Variants in ADAMTS7 observed in about 807,000 individuals in gnomAD.
ADAMTS7 encodes A disintegrin and metalloproteinase with thrombospondin motifs 7.
A neutral mutation model predicts 172.6 loss-of-function variants in ADAMTS7; 89 were observed. The ratio of observed to expected loss-of-function variants is 0.52; its 90% CI spans 0.43 to 0.61. The LOEUF is 0.61. ADAMTS7 is among the 20% of genes least tolerant of loss of function. ADAMTS7 has a pLI of 0.00. For synonymous variants in ADAMTS7, 885 were observed against 978.4 expected (o/e 0.90, Z 1.78); for missense variants, 1,973 against 2,355.6 (o/e 0.84, Z 3.36).
chr15:78,763,458 C>T (rs1393949286), intron 22 of ADAMTS7, among the ~76,000 whole-genome samples: 2 of 152,264 alleles, frequency 1.3e-5, no homozygotes, highest in Admixed American at 1.3e-4. Context: ...TGACTCCTCC[C>T]TCGGGTCTCA....
At chr15:78,804,941 G>A (rs2055769912) in intron 1 of ADAMTS7, among the ~76,000 whole-genome samples, 1 of 152,208 alleles carries the variant, frequency 6.6e-6, no homozygotes, top group Admixed American at 6.5e-5. Flanking sequence ...CGGGAACTGT[G>A]ATCCTCAGGA....
intron 17 of ADAMTS7, 81 bp downstream of exon 17, chr15:78,768,030 TGGGGAGTTGGCGGGGGATGGGG>T (rs2055185223): frequency 3.5e-6 from 2 of 570,068 alleles, no homozygotes; most frequent in African/African-American, 3.1e-5. Context: ...TGCCTGGGGG[TGGGGAGTTGGCGGGGGATGGGG>T]TGGGGAGTTG....
chr15:78,807,250 G>A (rs2055809515), intron 1 of ADAMTS7, among the ~76,000 whole-genome samples: 1 of 152,144 alleles, frequency 6.6e-6, no homozygotes, highest in Non-Finnish European at 1.5e-5. Flanking sequence ...CATGTGGTTG[G>A]GGAATGGAAG....
At chr15:78,806,091 A>ACACACACACACACACACACAC (rs1318537417) in intron 1 of ADAMTS7, among the ~76,000 whole-genome samples, 1 of 27,414 alleles carries the variant, frequency 3.6e-5, no homozygotes, top group African/African-American at 1.5e-4. Context: ...CCCCCCCAAA[A>ACACACACACACACACACACAC]ACACACACAC....
rs1484964465 is a variant in ADAMTS7 at position 78,767,573 on chromosome 15, G to A, written c.2665C>T (p.Gln889Ter). The part of the protein sequence containing the change: ...CPARWWAGEW[Q>*]LCSSSCGPGG... ...GGCCCGCAGGAGCTGGAGCACAGCT[G>A]CCACTCACCTGCCCACCACCTGGCG... The change falls in exon 18 of 24, where the codon CAG becomes TAG. Residue 889 changes from glutamine to a stop codon, truncating the protein, a stop_gained. Transcript: ENST00000388820. LOFTEE classifies it high-confidence loss of function. 3 of 1,550,680 alleles carry A rather than the reference G, an allele frequency of 1.9e-6. No homozygotes were observed. The highest frequency in any genetic ancestry group is 4.8e-5 in the East Asian group (2 of 41,420).
chr15:78,762,770 C>T (rs559988302), intron 22 of ADAMTS7, among the ~76,000 whole-genome samples: 43 of 152,346 alleles, frequency 2.8e-4, no homozygotes, highest in African/African-American at 8.2e-4. Context: ...CTTGTGGGAT[C>T]GGCTCCTGCA....
chr15:78,797,832 G>T, intron 3 of ADAMTS7, 116 bp downstream of exon 3: 1 of 1,172,714 alleles, frequency 8.5e-7, no homozygotes, highest in Non-Finnish European at 1.2e-6. Context: ...CTGTCTGTCT[G>T]TGTCATCTGG....
Position 78,789,777 on chromosome 15 carries a change from C to A in ADAMTS7, c.1090G>T (p.Gly364Cys), listed in dbSNP as rs745520739. 6.8e-6 allele frequency: 11 copies of A among 1,609,890 alleles called. No individual in the cohort carries two copies. In the South Asian group the frequency reaches 8.9e-5, roughly 13 times the overall value. Residue 364 changes from glycine (G) to cysteine (C), a missense_variant, in exon 7 of 24, where the codon GGC (glycine) becomes TGC (cysteine). By Grantham distance (159) the Gly-to-Cys change is radical. Transcript: ENST00000388820. ...CAGCTGCGGTGCGGCTGGCACATGC[C>A]CGCCACATGGGACAGTCCCAGGGTC... ...CETLGLSHVA[G>C]MCQPHRSCSI...
intron 1 of ADAMTS7, among the ~76,000 whole-genome samples, chr15:78,808,258 A>G (rs1187767750): frequency 6.6e-6 from 1 of 151,878 alleles, no homozygotes; most frequent in South Asian, 2.1e-4. Flanking sequence ...TTTTCTTTTG[A>G]GACAGTCTCC....
intron 16 of ADAMTS7, among the ~76,000 whole-genome samples, chr15:78,769,082 T>C (rs1482469327): frequency 6.6e-6 from 1 of 151,988 alleles, no homozygotes. Context: ...TCCACACCCT[T>C]CCCAATGGCT....
chr15:78,796,773 C>T lies in ADAMTS7; in HGVS notation c.636G>A (p.Leu212=). 6.2e-7 allele frequency: 1 copy of T among 1,609,740 alleles called. No individual in the cohort carries two copies. Among genetic ancestry groups the T allele is most frequent in the Non-Finnish European group, 8.5e-7 (1 of 1,179,526 alleles). The change falls in exon 4 of 24, where the codon CTG becomes CTA. Residue 212 remains leucine (L), a synonymous_variant. Coordinates refer to ENST00000388820, the MANE Select transcript of ADAMTS7 (RefSeq NM_014272.5). ...GCTCCCAACGCTCCCGTCGAGACTCCAGCTCTGGGTACACTGGAGGCCCAG... is the reference window on the plus strand; with the variant it reads ...GCTCCCAACGCTCCCGTCGAGACTCTAGCTCTGGGTACACTGGAGGCCCAG... The part of the protein sequence containing the change: ...STCGVQVYPE[L]ESRRERWEQR...
chr15:78,776,846 G>C lies in ADAMTS7; in HGVS notation c.1468-5C>G. ...CCAGAGTGTGTGGCAGACATTCTGC[G>C]AGGAGGAGGGCATGGGCCATACCCT... On this transcript the variant is annotated splice_polypyrimidine_tract_variant and splice_region_variant and intron_variant, in intron 9 of 23. Coordinates refer to ENST00000388820, the MANE Select transcript of ADAMTS7 (RefSeq NM_014272.5). 6.5e-7 allele frequency: 1 copy of C among 1,538,136 alleles called. No individual in the cohort carries two copies. Among genetic ancestry groups the C allele is most frequent in the Non-Finnish European group, 8.8e-7 (1 of 1,139,336 alleles).
At chr15:78,803,455 CTTTTT>C (rs11447592) in intron 1 of ADAMTS7, among the ~76,000 whole-genome samples, 1 of 143,910 alleles carries the variant, frequency 6.9e-6, no homozygotes, top group Non-Finnish European at 1.5e-5. Context: ...CAACTATGGT[CTTTTT>C]TTTTTTTTTT....
chr15:78,780,783 C>T (rs147259397), intron 8 of ADAMTS7, among the ~76,000 whole-genome samples: 1,961 of 152,300 alleles, frequency 0.013, 23 homozygotes, highest in East Asian at 0.12. Context: ...TCTTCCTCGG[C>T]GTGGAAGCTG....
intron 8 of ADAMTS7, among the ~76,000 whole-genome samples, chr15:78,784,809 A>G (rs2055479497): frequency 6.6e-6 from 1 of 152,176 alleles, no homozygotes; most frequent in African/African-American, 2.4e-5. Flanking sequence ...TGCCTTCGAC[A>G]TTCTGAAGAA....
At chr15:78,780,218 C>A (rs1397758080) in intron 8 of ADAMTS7, among the ~76,000 whole-genome samples, 2 of 150,430 alleles carry the variant, frequency 1.3e-5, no homozygotes, top group East Asian at 4.0e-4. Flanking sequence ...AACCCGTCAG[C>A]CCTTCCCCTC....
chr15:78,782,888 G>GCCACCT (rs1386202483), intron 8 of ADAMTS7, among the ~76,000 whole-genome samples: 38 of 152,028 alleles, frequency 2.5e-4, no homozygotes, highest in Admixed American at 2.2e-3. Flanking sequence ...CCCAGCAGAG[G>GCCACCT]GCCGGGGATC....
intron 1 of ADAMTS7, among the ~76,000 whole-genome samples, chr15:78,800,987 C>T (rs2055717171): frequency 6.6e-6 from 1 of 152,242 alleles, no homozygotes; most frequent in East Asian, 1.9e-4. Flanking sequence ...GTGATACGCT[C>T]GCCTCGGCCT....
chr15:78,790,745 C>G lies in ADAMTS7; in HGVS notation c.953G>C (p.Cys318Ser). 6.2e-7 allele frequency: 1 copy of G among 1,614,018 alleles called. No individual in the cohort carries two copies. The highest frequency in any genetic ancestry group is 8.5e-7 in the Non-Finnish European group (1 of 1,179,992). The part of the protein sequence containing the change: ...HHADNTLKSF[C>S]KWQKSINMKG... ...CATGTTGATGCTTTTCTGCCACTTG[C>G]AGAAGCTCTTCAGGGTGTTGTCTGC... The change falls in exon 6 of 24, where the codon TGC becomes TCC. Residue 318 changes from cysteine (C) to serine (S), a missense_variant. Cys to Ser is a moderately radical substitution (Grantham distance 112, BLOSUM62 -1). Coordinates refer to ENST00000388820, the MANE Select transcript of ADAMTS7 (RefSeq NM_014272.5).
Sources: allele counts gnomAD v4.1 joint callset (sites outside exome capture counted in the v4.1 genomes callset), GRCh38; gene constraint gnomAD v4.1.1; transcripts MANE v1.5; gene names NCBI Gene and HGNC (gene_info 2026-07-23, HGNC 2026-07-21).